The following ZNRF2 variants were observed in gnomAD, a reference collection of about 807,000 sequenced individuals.
ZNRF2 encodes the protein E3 ubiquitin-protein ligase ZNRF2.
A neutral mutation model predicts 20.4 loss-of-function variants in ZNRF2; 16 were observed. The observed-to-expected ratio is 0.79, with a 90% CI of 0.53 to 1.19. The LOEUF is 1.19. Ranked by LOEUF, ZNRF2 falls within the 50% of genes most tolerant of loss-of-function variation. ZNRF2 has a pLI of 0.00. For missense variants in ZNRF2, 363 were observed against 332.4 expected (o/e 1.09, Z -0.72); for synonymous variants, 178 against 144.9 (o/e 1.23, Z -1.64).
intron 2 of ZNRF2, among the ~76,000 whole-genome samples, chr7:30,338,490 T>A (rs947229362): frequency 4.2e-5 from 6 of 143,222 alleles, no homozygotes; most frequent in Admixed American, 7.0e-5. Context: ...GTGTTCTCAT[T>A]GTTCAACTCC....
intron 1 of ZNRF2, among the ~76,000 whole-genome samples, chr7:30,321,402 T>C (rs1799467459): frequency 6.6e-6 from 1 of 152,168 alleles, no homozygotes; most frequent in African/African-American, 2.4e-5. Context: ...TTCATCTATT[T>C]TTTTTTTCTC....
intron 1 of ZNRF2, among the ~76,000 whole-genome samples, chr7:30,303,424 G>A (rs536952773): frequency 2.5e-4 from 38 of 152,270 alleles, no homozygotes; most frequent in African/African-American, 8.9e-4. Context: ...GAATCACCCA[G>A]AGGGCTGGGC....
chr7:30,301,710 A>AC (rs989323882), intron 1 of ZNRF2, among the ~76,000 whole-genome samples: 2 of 151,512 alleles, frequency 1.3e-5, no homozygotes, highest in Non-Finnish European at 2.9e-5. Flanking sequence ...TAAAAAAAAA[A>AC]AAAAAAAAAA....
intron 1 of ZNRF2, among the ~76,000 whole-genome samples, chr7:30,307,330 T>G (rs1221604337): frequency 2.4e-5 from 3 of 126,470 alleles, no homozygotes; most frequent in African/African-American, 3.5e-5. Flanking sequence ...TTTTTTGTTT[T>G]TTTTTTTTTT....
chr7:30,363,551 A>G (rs1272715187), intron 4 of ZNRF2, among the ~76,000 whole-genome samples: 1 of 152,212 alleles, frequency 6.6e-6, no homozygotes, highest in Admixed American at 6.5e-5. Context: ...CGCATCATAA[A>G]TTTATTCATT....
intron 2 of ZNRF2, among the ~76,000 whole-genome samples, chr7:30,344,231 G>A (rs911124942): frequency 7.0e-6 from 1 of 143,504 alleles, no homozygotes; most frequent in Non-Finnish European, 1.5e-5. Context: ...CCCAGCTCTT[G>A]TTTCTTTTTT....
intron 1 of ZNRF2, among the ~76,000 whole-genome samples, chr7:30,286,457 A>G (rs1336045846): frequency 6.6e-6 from 1 of 152,244 alleles, no homozygotes; most frequent in Non-Finnish European, 1.5e-5. Context: ...GAAAGCATTT[A>G]AAAAATGGAA....
intron 2 of ZNRF2, among the ~76,000 whole-genome samples, chr7:30,333,528 C>A (rs942070299): frequency 6.6e-6 from 1 of 151,832 alleles, no homozygotes; most frequent in Non-Finnish European, 1.5e-5. Flanking sequence ...CACCACTACG[C>A]CTGGCTAATT....
chr7:30,339,677 C>T (rs1329259341), intron 2 of ZNRF2, among the ~76,000 whole-genome samples: 1 of 151,978 alleles, frequency 6.6e-6, no homozygotes, highest in Non-Finnish European at 1.5e-5. Flanking sequence ...CCTCATAGTA[C>T]AGTTTGAAGT....
intron 1 of ZNRF2, among the ~76,000 whole-genome samples, chr7:30,318,393 TA>T (rs1230970372): frequency 6.6e-6 from 1 of 152,196 alleles, no homozygotes; most frequent in African/African-American, 2.4e-5. Flanking sequence ...CTCTCATAAC[TA>T]AGAAAGTTGC....
intron 1 of ZNRF2, among the ~76,000 whole-genome samples, chr7:30,295,048 AGAGTGTGTGTGTGTGTGT>A (rs1460941554): frequency 1.1e-3 from 85 of 79,088 alleles, no homozygotes; most frequent in African/African-American, 5.1e-3. Context: ...AGAGAGAGAG[AGAGTGTGTGTGTGTGTGT>A]GTGTGTGTGT....
intron 4 of ZNRF2, 113 bp downstream of exon 4, chr7:30,362,569 T>G: frequency 1.9e-6 from 1 of 520,706 alleles, no homozygotes; most frequent in Non-Finnish European, 3.4e-6. Context: ...ATGTGTATGT[T>G]TCAGACACTT....
chr7:30,341,776 G>T (rs969584211), intron 2 of ZNRF2, among the ~76,000 whole-genome samples: 1 of 152,108 alleles, frequency 6.6e-6, no homozygotes, highest in Non-Finnish European at 1.5e-5. Flanking sequence ...GAATATCCTT[G>T]TTAATTTTCT....
At chr7:30,299,761 T>C (rs375650062) in intron 1 of ZNRF2, among the ~76,000 whole-genome samples, 31 of 151,986 alleles carry the variant, frequency 2.0e-4, no homozygotes, top group African/African-American at 6.5e-4. Context: ...TCATACTGTG[T>C]TCTTCTAAAA....
At chr7:30,310,883 T>TC (rs1386239601) in intron 1 of ZNRF2, among the ~76,000 whole-genome samples, 42 of 152,154 alleles carry the variant, frequency 2.8e-4, no homozygotes, top group African/African-American at 9.4e-4. Context: ...TCCTGTCCTG[T>TC]CTTGTCCTGT....
At chr7:30,360,189 T>G (rs1800104550) in intron 3 of ZNRF2, among the ~76,000 whole-genome samples, 1 of 152,208 alleles carries the variant, frequency 6.6e-6, no homozygotes, top group Admixed American at 6.5e-5. Flanking sequence ...TTCTGCCAGT[T>G]AAATCAACAC....
intron 3 of ZNRF2, among the ~76,000 whole-genome samples, chr7:30,362,022 T>G (rs1003297342): frequency 6.6e-6 from 1 of 152,202 alleles, no homozygotes; most frequent in African/African-American, 2.4e-5. Flanking sequence ...ATAGGTGACA[T>G]GAACAGGTTG....
At chr7:30,299,771 A>T (rs917465988) in intron 1 of ZNRF2, among the ~76,000 whole-genome samples, 1 of 145,296 alleles carries the variant, frequency 6.9e-6, no homozygotes, top group African/African-American at 2.6e-5. Context: ...TTCTTCTAAA[A>T]CCTGCTTTTT....
At chr7:30,331,724 A>C (rs992702152) in intron 2 of ZNRF2, among the ~76,000 whole-genome samples, 1 of 152,236 alleles carries the variant, frequency 6.6e-6, no homozygotes, top group Non-Finnish European at 1.5e-5. Flanking sequence ...TAACTGCCAT[A>C]AATAAAAATA....
Sources: allele counts gnomAD v4.1 joint callset (sites outside exome capture counted in the v4.1 genomes callset), GRCh38; gene constraint gnomAD v4.1.1; transcripts MANE v1.5; gene names NCBI Gene and HGNC (gene_info 2026-07-23, HGNC 2026-07-21).